FAM53B: variants seen among roughly 807,000 people sequenced by gnomAD.
FAM53B encodes family with sequence similarity 53 member B, also known as protein FAM53B.
A neutral mutation model predicts 32.7 loss-of-function variants in FAM53B; 12 were observed. The observed-to-expected ratio is 0.37, with a 90% CI of 0.24 to 0.59. The LOEUF is 0.59. FAM53B is among the 20% of genes least tolerant of loss of function. The probability of loss-of-function intolerance (pLI) is 0.72; values close to 1 mark genes in which losing one functional copy is unlikely to be tolerated. For synonymous variants in FAM53B, 234 were observed against 228.7 expected (o/e 1.02, Z -0.21); for missense variants, 477 against 577.7 (o/e 0.83, Z 1.79).
intron 4 of FAM53B, among the ~76,000 whole-genome samples, chr10:124,660,465 A>C (rs944637318): frequency 1.3e-5 from 2 of 152,226 alleles, no homozygotes; most frequent in African/African-American, 4.8e-5. Flanking sequence ...CCTGATACCA[A>C]GGCTCCAGTT....
intron 4 of FAM53B, among the ~76,000 whole-genome samples, chr10:124,659,062 C>G (rs560209205): frequency 6.6e-6 from 1 of 152,198 alleles, no homozygotes; most frequent in African/African-American, 2.4e-5. Context: ...ACTGGGATGG[C>G]GATGGTGGGG....
At chr10:124,684,569 G>C (rs759883855) in intron 3 of FAM53B, among the ~76,000 whole-genome samples, 4 of 152,122 alleles carry the variant, frequency 2.6e-5, no homozygotes, top group Admixed American at 1.3e-4. Flanking sequence ...GCCCAGGCTG[G>C]AGTACAGTGG....
At position 124,682,463 on chromosome 10, in the gene FAM53B, T is replaced by G. The variant is rs962059357; in HGVS notation, c.134-84A>C. The G allele has an allele frequency of 4.8e-6, 6 of 1,243,286 alleles. No individual in the cohort carries two copies. The African/African-American group carries it at 6.0e-5, about 12-fold the overall frequency. 77.0% of individuals were successfully genotyped at this position (1,243,286 alleles called of 1,614,324 possible). A position where few individuals can be genotyped will look rare whatever the true frequency, so the allele number is the denominator to read the frequency against. On this transcript the variant is annotated intron_variant, in intron 3 of 4. Transcript: ENST00000337318. This position sits in a 1 kb window ranked among gnomAD's most constrained non-coding sequence, Gnocchi z 5.2. ...TATTATCTCCACACCAACAGCCCGT[T>G]TCAAACACAGTATCTTAGAGCCAAA... is the stretch of plus-strand genomic sequence containing the variant.
chr10:124,730,032 GGAGT>G (rs1313010379), intron 1 of FAM53B, among the ~76,000 whole-genome samples: 30 of 152,314 alleles, frequency 2.0e-4, no homozygotes, highest in African/African-American at 7.2e-4. Context: ...AGCATTTTAA[GGAGT>G]AAGTCACGTG....
intron 4 of FAM53B, among the ~76,000 whole-genome samples, chr10:124,673,468 C>T (rs945226593): frequency 2.0e-5 from 3 of 152,182 alleles, no homozygotes; most frequent in South Asian, 2.1e-4. Context: ...TCTGAAGCAG[C>T]GCCTTGTACT....
At chr10:124,658,148 CA>C (rs1949607013) in intron 4 of FAM53B, among the ~76,000 whole-genome samples, 1 of 152,240 alleles carries the variant, frequency 6.6e-6, no homozygotes, top group African/African-American at 2.4e-5. Context: ...GGGGCAGAGA[CA>C]GGGGCAGCGA....
Position 124,682,143 on chromosome 10 carries a change from A to T in FAM53B, c.370T>A (p.Ser124Thr). The T allele has an allele frequency of 6.2e-7, 1 of 1,613,628 alleles. No homozygotes were observed. Among genetic ancestry groups the T allele is most frequent in the Non-Finnish European group, 8.5e-7 (1 of 1,179,854 alleles). ...CRSLSFSDEMSSCRTSWRPLG... is the reference protein window; with the variant it reads ...CRSLSFSDEMTSCRTSWRPLG... ...GGCCTCCATGATGTCCGGCAACTGGACATCTCATCGGAGAAGGACAGTGAG... is the reference window on the plus strand; with the variant it reads ...GGCCTCCATGATGTCCGGCAACTGGTCATCTCATCGGAGAAGGACAGTGAG... The change falls in exon 4 of 5, where the codon TCC becomes ACC. Residue 124 changes from serine to threonine, a missense_variant. By Grantham distance (58) the Ser-to-Thr change is moderately conservative. Around this residue, in one of 2 missense-constraint regions of FAM53B, gnomAD observed 312 missense variants for 420.2 expected, o/e 0.74. Coordinates refer to ENST00000337318, the MANE Select transcript of FAM53B (RefSeq NM_014661.4). This position sits in a 1 kb window ranked among gnomAD's most constrained non-coding sequence, Gnocchi z 5.2.
intron 4 of FAM53B, among the ~76,000 whole-genome samples, chr10:124,629,179 T>C (rs1949374636): frequency 6.6e-6 from 1 of 152,076 alleles, no homozygotes; most frequent in South Asian, 2.1e-4. Context: ...CCAGCCTGCC[T>C]GGCATGTGCT....
intron 4 of FAM53B, among the ~76,000 whole-genome samples, chr10:124,631,581 T>C (rs1290706198): frequency 6.6e-6 from 1 of 152,140 alleles, no homozygotes; most frequent in Non-Finnish European, 1.5e-5. Context: ...AGAGTGGTGC[T>C]CATCGGGCCA....
At chr10:124,677,990 G>A (rs910407178) in intron 4 of FAM53B, among the ~76,000 whole-genome samples, 1 of 152,204 alleles carries the variant, frequency 6.6e-6, no homozygotes, top group Non-Finnish European at 1.5e-5. Context: ...GAGCTGCAGG[G>A]CAGGCCTCCT....
intron 4 of FAM53B, among the ~76,000 whole-genome samples, chr10:124,644,664 G>A (rs936634604): frequency 1.3e-5 from 2 of 152,192 alleles, no homozygotes; most frequent in Non-Finnish European, 2.9e-5. Flanking sequence ...GACCTTCCTG[G>A]GGTGCTCAGA....
At chr10:124,624,818 G>A (rs563475315) in intron 4 of FAM53B, among the ~76,000 whole-genome samples, 4 of 151,280 alleles carry the variant, frequency 2.6e-5, no homozygotes, top group African/African-American at 9.6e-5. Context: ...TGATGCACAT[G>A]CCACAGACAG....
At chr10:124,735,040 C>T (rs1950165608) in intron 1 of FAM53B, among the ~76,000 whole-genome samples, 1 of 152,188 alleles carries the variant, frequency 6.6e-6, no homozygotes, top group South Asian at 2.1e-4. Flanking sequence ...CACCGCAGGC[C>T]GAGCTGGGGG....
intron 4 of FAM53B, among the ~76,000 whole-genome samples, chr10:124,654,285 C>T (rs1949573001): frequency 6.6e-6 from 1 of 152,240 alleles, no homozygotes; most frequent in Non-Finnish European, 1.5e-5. Flanking sequence ...AAACAAAGGA[C>T]CTGGAGCCTA....
At chr10:124,687,456 T>C (rs148427602) in intron 3 of FAM53B, among the ~76,000 whole-genome samples, 4 of 152,224 alleles carry the variant, frequency 2.6e-5, no homozygotes, top group Admixed American at 2.6e-4. Context: ...GTAGCTATTA[T>C]GAGAATTAAA....
intron 4 of FAM53B, among the ~76,000 whole-genome samples, chr10:124,625,917 C>T (rs909780367): frequency 2.0e-5 from 3 of 152,226 alleles, no homozygotes; most frequent in African/African-American, 7.2e-5. Flanking sequence ...TTCTCCTGAC[C>T]CTGGCTGAGC....
intron 1 of FAM53B, among the ~76,000 whole-genome samples, chr10:124,711,792 C>A (rs892660626): frequency 2.0e-5 from 3 of 152,010 alleles, no homozygotes; most frequent in African/African-American, 7.3e-5. Context: ...GTGGCTCGCA[C>A]CAGTGATCCC....
chr10:124,658,248 G>A (rs113007560), intron 4 of FAM53B, among the ~76,000 whole-genome samples: 7 of 152,204 alleles, frequency 4.6e-5, no homozygotes, highest in East Asian at 1.9e-4. Context: ...TGGCAAATGC[G>A]GAGGCCTCTG....
intron 4 of FAM53B, among the ~76,000 whole-genome samples, chr10:124,669,530 T>C (rs924221637): frequency 2.0e-5 from 3 of 152,180 alleles, no homozygotes; most frequent in African/African-American, 7.2e-5. Flanking sequence ...ATGTGGTAAG[T>C]AACAGCCACA....
Sources: gnomAD v4.1 joint callset for allele counts (sites outside exome capture counted in the v4.1 genomes callset) on GRCh38, gnomAD v4.1.1 for gene constraint, gnomAD v4.1.1 regional missense constraint, Gnocchi (gnomAD v3.1) non-coding constraint, MANE v1.5 for transcripts, NCBI Gene and HGNC (gene_info 2026-07-23, HGNC 2026-07-21) for gene names.